Variants in CCNH observed in about 807,000 individuals in gnomAD.
The protein encoded by CCNH is cyclin-H.
In CCNH, 31 loss-of-function variants were observed where a neutral mutation model predicts 41.9. That is an observed-to-expected ratio of 0.74 (90% CI 0.56 to 1.00). The LOEUF (loss-of-function observed/expected upper bound fraction) is 1.00, where lower values mean the gene tolerates loss of function less well. Among genes scored for constraint, CCNH ranks in the 50% least tolerant of loss-of-function variants. The pLI is 0.00. For synonymous variants in CCNH, 138 were observed against 136.1 expected (o/e 1.01, Z -0.10); for missense variants, 362 against 388.4 (o/e 0.93, Z 0.57).
intron 9 of CCNH, chr5:87,338,241 G>A: frequency 7.9e-7 from 1 of 1,261,680 alleles, no homozygotes; most frequent in East Asian, 2.6e-5. Flanking sequence ...CTGTTTGTTA[G>A]TATGGAACAT....
At chr5:87,350,827 A>C (rs1364072609) in intron 9 of CCNH, among the ~76,000 whole-genome samples, 1 of 151,476 alleles carries the variant, frequency 6.6e-6, no homozygotes, top group Non-Finnish European at 1.5e-5. Flanking sequence ...AATTCATCTT[A>C]TTGTTTCTAG....
At chr5:87,409,505 T>C in intron 2 of CCNH, 142 bp from the exon 3 acceptor site, 2 of 542,938 alleles carry the variant, frequency 3.7e-6, no homozygotes, top group African/African-American at 3.9e-5. Flanking sequence ...TCTTCTTTAA[T>C]CAAAACAAAT....
rs1222624408 is a variant in CCNH, at chr5:87,338,518, TATATATATATATATAAAA to T, written c.*91-19639_*91-19622del. Among the ~76,000 whole-genome samples the T allele has an allele frequency of 4.1e-4, 41 of 100,610 alleles. 4 individuals are homozygous for T. Among genetic ancestry groups the T allele is most frequent in the Middle Eastern group, 5.4e-3 (1 of 186 alleles). 66.0% of individuals were successfully genotyped at this position (100,610 alleles called of 152,430 possible). On this transcript the variant is annotated intron_variant and NMD_transcript_variant, in intron 9 of 9. Coordinates refer to the CCNH transcript ENST00000645953. ...AGCTAATTTTATATATATATATATA[TATATATATATATATAAAA>T]TTTTTTTTTTTTTTAAGTAGAAATG...
intron 9 of CCNH, among the ~76,000 whole-genome samples, chr5:87,321,329 T>C (rs1374158578): frequency 6.6e-6 from 1 of 152,178 alleles, no homozygotes; most frequent in Non-Finnish European, 1.5e-5. Flanking sequence ...AAGCAATCAG[T>C]TCTACAGTGA....
intron 9 of CCNH, among the ~76,000 whole-genome samples, chr5:87,332,886 CAA>C (rs1288278378): frequency 6.6e-6 from 1 of 151,998 alleles, no homozygotes; most frequent in Non-Finnish European, 1.5e-5. Flanking sequence ...GATAGCCTAA[CAA>C]ATATTTCTGA....
At chr5:87,408,466 C>T (rs1412503112) in intron 3 of CCNH, among the ~76,000 whole-genome samples, 1 of 152,026 alleles carries the variant, frequency 6.6e-6, no homozygotes, top group Admixed American at 6.6e-5. Flanking sequence ...GCAGTACAAC[C>T]TAAATATCTG....
chr5:87,410,542 A>T (rs1764153388), intron 2 of CCNH, among the ~76,000 whole-genome samples: 3 of 152,178 alleles, frequency 2.0e-5, no homozygotes, highest in Admixed American at 2.0e-4. Flanking sequence ...TAACTTTAAA[A>T]CTTAACAGAC....
intron 1 of CCNH, chr5:87,412,274 CTG>C (rs1764310725): frequency 6.0e-6 from 2 of 332,886 alleles, no homozygotes. Flanking sequence ...CGCACCATCT[CTG>C]TAACTTCTGA....
downstream of CCNH, chr5:87,391,211 AC>A (rs1762490349): frequency 2.2e-6 from 1 of 446,222 alleles, no homozygotes; most frequent in Non-Finnish European, 4.1e-6. Flanking sequence ...TTTTCAGTAC[AC>A]CCAGTTGCCA....
chr5:87,320,544 G>A (rs1756712425), intron 9 of CCNH, among the ~76,000 whole-genome samples: 1 of 152,200 alleles, frequency 6.6e-6, no homozygotes, highest in Non-Finnish European at 1.5e-5. Flanking sequence ...GGTGACAGGA[G>A]ACAGAGAGAG....
rs767838565 is a variant in CCNH at position 87,331,249 on chromosome 5, T to C, written c.*91-12352A>G. 6 of 1,236,272 alleles carry C rather than the reference T, an allele frequency of 4.9e-6. No homozygotes were observed. In the East Asian group the frequency reaches 1.2e-4, roughly 24 times the overall value. 76.6% of individuals were successfully genotyped at this position (1,236,272 alleles called of 1,614,324 possible). On this transcript the variant is annotated intron_variant and NMD_transcript_variant, in intron 9 of 9. Coordinates refer to the CCNH transcript ENST00000645953. The stretch of plus-strand genomic sequence containing the variant: ...GTAAAATGTAAATGTTTAAGTTACA[T>C]GTAGGCATTTAAAACCTCTAGTAGT...
intron 5 of CCNH, 28 bp from the exon 6 acceptor site, chr5:87,401,800 T>C (rs182931036): frequency 1.4e-5 from 19 of 1,350,106 alleles, no homozygotes; most frequent in African/African-American, 2.9e-5. Context: ...AAAAAATCTA[T>C]TGAAAACATA....
At chr5:87,370,657 C>G (rs962533390) in intron 9 of CCNH, among the ~76,000 whole-genome samples, 2 of 152,090 alleles carry the variant, frequency 1.3e-5, no homozygotes, top group African/African-American at 2.4e-5. Context: ...GAGACACTGT[C>G]TCTTAAAAAA....
At chr5:87,391,158 A>T (rs1762486659), downstream of CCNH, 2 of 559,588 alleles carry the variant, frequency 3.6e-6, no homozygotes, top group South Asian at 4.3e-5. Context: ...CACAAAACGA[A>T]ATGCTATGAC....
chr5:87,407,857 C>G (rs928352508), intron 4 of CCNH, 119 bp downstream of exon 4: 1 of 725,166 alleles, frequency 1.4e-6, no homozygotes, highest in East Asian at 2.7e-5. Context: ...CAGGCCAGAC[C>G]CACAGGTTGT....
At chr5:87,358,859 A>C (rs995420993) in intron 9 of CCNH, among the ~76,000 whole-genome samples, 1 of 152,094 alleles carries the variant, frequency 6.6e-6, no homozygotes, top group African/African-American at 2.4e-5. Flanking sequence ...GTAGCTGTTC[A>C]CTGTGTCCAA....
At chr5:87,339,250 G>T (rs902519554) in intron 9 of CCNH, among the ~76,000 whole-genome samples, 4 of 152,126 alleles carry the variant, frequency 2.6e-5, no homozygotes, top group African/African-American at 9.7e-5. Context: ...AACATACTGA[G>T]TAGAGGTGGG....
rs951608092 is a variant in CCNH at position 87,363,625 on chromosome 5, A to G, written c.*90+29145T>C. 4.3e-6 allele frequency: 5 copies of G among 1,168,390 alleles called. No individual in the cohort carries two copies. In the African/African-American group the frequency reaches 7.7e-5, roughly 18 times the overall value. The allele number at this position is 1,168,390 out of a possible 1,614,324, so 72.4% of individuals were successfully genotyped here. ...TCTAAAAGTAGCAGATGCACTTTCTAGGTAATTTTTGCCTTCCTTGCTTAA... is the reference window on the plus strand; with the variant it reads ...TCTAAAAGTAGCAGATGCACTTTCTGGGTAATTTTTGCCTTCCTTGCTTAA... On this transcript the variant is annotated intron_variant and NMD_transcript_variant, in intron 9 of 9. Transcript: ENST00000645953.
intron 9 of CCNH, among the ~76,000 whole-genome samples, chr5:87,368,108 T>C (rs1207059361): frequency 6.6e-6 from 1 of 152,146 alleles, no homozygotes; most frequent in African/African-American, 2.4e-5. Flanking sequence ...TTCTGCCACA[T>C]TCCTTTTTCT....
Sources: gnomAD v4.1 joint callset for allele counts (sites outside exome capture counted in the v4.1 genomes callset) on GRCh38, gnomAD v4.1.1 for gene constraint, MANE v1.5 for transcripts, NCBI Gene and HGNC (gene_info 2026-07-23, HGNC 2026-07-21) for gene names.